Variants in ATF2 observed in about 807,000 individuals in gnomAD.
ATF2 encodes cyclic AMP-dependent transcription factor ATF-2.
ATF2 carries 24 observed loss-of-function variants against 60.6 expected under a neutral mutation model. The ratio of observed to expected loss-of-function variants is 0.40; its 90% CI spans 0.29 to 0.56. The LOEUF is 0.56. Ranked by LOEUF, ATF2 falls within the 20% of genes least tolerant of loss-of-function variation. The probability of loss-of-function intolerance (pLI) is 0.54; values close to 1 mark genes in which losing one functional copy is unlikely to be tolerated. For synonymous variants in ATF2, 206 were observed against 215.4 expected (o/e 0.96, Z 0.38); for missense variants, 433 against 607.7 (o/e 0.71, Z 3.02).
chr2:175,157,917 G>A (rs996450725), intron 1 of ATF2, among the ~76,000 whole-genome samples: 11 of 152,126 alleles, frequency 7.2e-5, no homozygotes, highest in Admixed American at 1.3e-4. Flanking sequence ...GCTTGAACCC[G>A]GGAGGCAGAG....
At chr2:175,145,263 T>C (rs544775147) in intron 2 of ATF2, among the ~76,000 whole-genome samples, 40 of 152,312 alleles carry the variant, frequency 2.6e-4, no homozygotes, top group Admixed American at 5.9e-4. Context: ...TCATGGTGAA[T>C]TGTAATCTTC....
intron 10 of ATF2, among the ~76,000 whole-genome samples, chr2:175,107,469 T>C (rs987820774): frequency 4.6e-5 from 7 of 152,028 alleles, no homozygotes; most frequent in Admixed American, 1.3e-4. Flanking sequence ...CATAAGAATG[T>C]GTATGAGACA....
At chr2:175,118,467 A>G in intron 5 of ATF2, 98 bp from the exon 6 acceptor site, 2 of 993,426 alleles carry the variant, frequency 2.0e-6, no homozygotes, top group Non-Finnish European at 1.5e-6. Context: ...TGGTTCAGTC[A>G]GTTGTTAATT....
intron 13 of ATF2, among the ~76,000 whole-genome samples, chr2:175,077,530 G>A (rs1256889389): frequency 6.6e-6 from 1 of 152,136 alleles, no homozygotes; most frequent in Non-Finnish European, 1.5e-5. Flanking sequence ...ACAGGCTGAC[G>A]TTTCCCTGAA....
chr2:175,144,831 G>A (rs1044828959), intron 2 of ATF2, among the ~76,000 whole-genome samples: 1 of 152,198 alleles, frequency 6.6e-6, no homozygotes, highest in East Asian at 1.9e-4. Context: ...GATAGGAGTG[G>A]CACTAGTCCA....
chr2:175,106,274 T>C (rs1000666548), intron 10 of ATF2, among the ~76,000 whole-genome samples: 2 of 152,200 alleles, frequency 1.3e-5, no homozygotes, highest in African/African-American at 4.8e-5. Context: ...CTCACGCCTG[T>C]AATCACAGCA....
chr2:175,110,352 A>G (rs530534121), intron 10 of ATF2, among the ~76,000 whole-genome samples: 2 of 152,170 alleles, frequency 1.3e-5, no homozygotes, highest in African/African-American at 4.8e-5. Flanking sequence ...AAATAAATAA[A>G]TAAATTCAGC....
intron 12 of ATF2, among the ~76,000 whole-genome samples, chr2:175,087,250 G>A (rs1225846962): frequency 6.6e-6 from 1 of 152,052 alleles, no homozygotes; most frequent in Non-Finnish European, 1.5e-5. Context: ...GGATATAAAA[G>A]CATTTTGAAA....
intron 4 of ATF2, 85 bp from the exon 5 acceptor site, chr2:175,121,625 T>C (rs1696957042): frequency 1.9e-6 from 2 of 1,047,000 alleles, no homozygotes; most frequent in Admixed American, 2.3e-5. Context: ...TTCCACAACA[T>C]GTAAAACCAC....
intron 10 of ATF2, among the ~76,000 whole-genome samples, chr2:175,106,626 AGGAGTTC>A (rs1453818297): frequency 6.6e-6 from 1 of 152,092 alleles, no homozygotes; most frequent in Non-Finnish European, 1.5e-5. Context: ...ACTTAAGGTC[AGGAGTTC>A]GAGACCAGCC....
intron 12 of ATF2, chr2:175,092,728 A>G (rs983328836): frequency 5.2e-5 from 19 of 364,734 alleles, no homozygotes; most frequent in Non-Finnish European, 9.3e-5. Context: ...AAAAAAATAG[A>G]CAAGAAAAGT....
chr2:175,127,278 C>T (rs1321248222), intron 4 of ATF2: 1 of 154,150 alleles, frequency 6.5e-6, no homozygotes, highest in African/African-American at 2.4e-5. Context: ...ATCTGATTTA[C>T]CAGAAAGAGT....
chr2:175,098,534 C>T (rs1280125943), intron 10 of ATF2, among the ~76,000 whole-genome samples: 1 of 152,086 alleles, frequency 6.6e-6, no homozygotes, highest in East Asian at 1.9e-4. Context: ...AGAGTGAGAG[C>T]GAGTGCAACT....
intron 12 of ATF2, among the ~76,000 whole-genome samples, chr2:175,089,771 C>T (rs1694417163): frequency 6.6e-6 from 1 of 152,090 alleles, no homozygotes; most frequent in African/African-American, 2.4e-5. Context: ...GAAGCAATAA[C>T]AGAAAGTCAT....
chr2:175,145,921 G>A (rs1698914207), intron 2 of ATF2, among the ~76,000 whole-genome samples: 1 of 152,052 alleles, frequency 6.6e-6, no homozygotes, highest in Non-Finnish European at 1.5e-5. Context: ...ATAAGAAATA[G>A]GATATTTATA....
At chr2:175,092,724 A>T (rs1334884505) in intron 12 of ATF2, 1 of 364,052 alleles carries the variant, frequency 2.7e-6, no homozygotes, top group Non-Finnish European at 5.2e-6. Context: ...AACCAAAAAA[A>T]TAGACAAGAA....
intron 10 of ATF2, among the ~76,000 whole-genome samples, chr2:175,104,703 T>C (rs1464650819): frequency 2.0e-5 from 3 of 152,220 alleles, no homozygotes; most frequent in Admixed American, 6.5e-5. Context: ...GAATTGTTTA[T>C]ATGGTGAGTC....
intron 12 of ATF2, among the ~76,000 whole-genome samples, chr2:175,085,212 G>C (rs1314590283): frequency 6.6e-6 from 1 of 152,150 alleles, no homozygotes; most frequent in Non-Finnish European, 1.5e-5. Flanking sequence ...AGTGTTATGT[G>C]TTGGCTAGCT....
intron 2 of ATF2, among the ~76,000 whole-genome samples, chr2:175,141,030 A>C (rs11687294): frequency 0.049 from 1,869 of 37,810 alleles, 54 homozygotes; most frequent in Middle Eastern, 0.11. Flanking sequence ...AAAAAAAAAA[A>C]ATATATATAT....
Sources: gnomAD v4.1 joint callset for allele counts (sites outside exome capture counted in the v4.1 genomes callset) on GRCh38, gnomAD v4.1.1 for gene constraint, MANE v1.5 for transcripts, NCBI Gene and HGNC (gene_info 2026-07-23, HGNC 2026-07-21) for gene names.